The following TMEM9B variants were observed in gnomAD, a reference collection of about 807,000 sequenced individuals.
The protein encoded by TMEM9B is transmembrane protein 9B.
In TMEM9B, 8 loss-of-function variants were observed where a neutral mutation model predicts 23.5. That is an observed-to-expected ratio of 0.34 (90% CI 0.20 to 0.61). The LOEUF (loss-of-function observed/expected upper bound fraction) is 0.61. Among genes scored for constraint, TMEM9B ranks in the 20% least tolerant of loss-of-function variants. TMEM9B has a pLI of 0.78. For missense variants in TMEM9B, 197 were observed against 252.3 expected, an observed-to-expected ratio of 0.78 and a Z score of 1.49; for synonymous variants, 106 against 96.3, an observed-to-expected ratio of 1.10 and a Z score of -0.59.
chr11:8,955,616 A>C (rs530666612), intron 3 of TMEM9B, among the ~76,000 whole-genome samples: 1 of 152,102 alleles, frequency 6.6e-6, no homozygotes, highest in Non-Finnish European at 1.5e-5. Flanking sequence ...CTCCTATGAG[A>C]ATCTAATGCT....
chr11:8,951,600 T>C (rs1428666732), intron 4 of TMEM9B, among the ~76,000 whole-genome samples: 1 of 123,008 alleles, frequency 8.1e-6, no homozygotes, highest in African/African-American at 3.0e-5. Flanking sequence ...AAAAAAAAAA[T>C]ACGAAAAATT....
At chr11:8,960,258 T>C (rs1854052508) in intron 2 of TMEM9B, among the ~76,000 whole-genome samples, 1 of 150,814 alleles carries the variant, frequency 6.6e-6, no homozygotes, top group Non-Finnish European at 1.5e-5. Flanking sequence ...TTCTCTACCT[T>C]AGCCTTCCGA....
Position 8,957,926 on chromosome 11 carries a change from G to T in TMEM9B, c.198-1628C>A, listed in dbSNP as rs1301616785. Among the ~76,000 whole-genome samples, 1 of 152,048 alleles carries T rather than the reference G, an allele frequency of 6.6e-6. No individual in the cohort carries two copies. The highest frequency in any genetic ancestry group is 2.4e-5 in the African/African-American group (1 of 41,390). Reference sequence around the variant, plus strand: ...AATCCCAGCACTTTGGGAGGCCGAGGCGGGAAGATCACCTGAGGTTGGGAG... The same window carrying T: ...AATCCCAGCACTTTGGGAGGCCGAGTCGGGAAGATCACCTGAGGTTGGGAG... On this transcript the variant is annotated intron_variant, in intron 2 of 4. Transcript: ENST00000534025. This position sits in a 1 kb window ranked among gnomAD's most constrained non-coding sequence, Gnocchi z 4.3.
Position 8,962,105 on chromosome 11 carries a change from A to G in TMEM9B, c.184T>C (p.Ser62Pro). Residue 62 changes from serine to proline, a missense_variant, in exon 2 of 5, where the codon TCT becomes CCT. Around this residue, in one of 2 missense-constraint regions of TMEM9B, gnomAD observed 141 missense variants for 214.1 expected, o/e 0.66. Coordinates refer to ENST00000534025, the MANE Select transcript of TMEM9B (RefSeq NM_020644.3). ...CCAGATACTTACCAATCTTTCTGAG[A>G]TATGTTCTTATTATAAATATGCCCA... is the stretch of plus-strand genomic sequence containing the variant. ...NSGHIYNKNI[S>P]QKDCDCLHVV... 6.3e-7 allele frequency: 1 copy of G among 1,589,906 alleles called. No homozygotes were observed. The highest frequency in any genetic ancestry group is 8.6e-7 in the Non-Finnish European group (1 of 1,167,602).
At chr11:8,958,202 C>T (rs376829351) in intron 2 of TMEM9B, among the ~76,000 whole-genome samples, 2 of 146,108 alleles carry the variant, frequency 1.4e-5, no homozygotes, top group African/African-American at 5.1e-5. Flanking sequence ...GTGGCTCACG[C>T]CTGTAATCTC....
intron 4 of TMEM9B, among the ~76,000 whole-genome samples, chr11:8,952,255 C>T (rs866518411): frequency 0.049 from 3,071 of 62,578 alleles, 48 homozygotes; most frequent in Non-Finnish European, 0.091. Flanking sequence ...TATATACACA[C>T]ACACACACAC....
chr11:8,961,143 C>A (rs1163768831), intron 2 of TMEM9B, among the ~76,000 whole-genome samples: 3 of 152,094 alleles, frequency 2.0e-5, no homozygotes, highest in African/African-American at 4.8e-5. Flanking sequence ...AACCTAAATG[C>A]GTATCAGGGA....
chr11:8,948,859 GA>G (rs1448850016), intron 4 of TMEM9B, among the ~76,000 whole-genome samples: 1 of 152,180 alleles, frequency 6.6e-6, no homozygotes, highest in Admixed American at 6.5e-5. Context: ...TATAGATATG[GA>G]AAGTAGGGTC....
intron 4 of TMEM9B, among the ~76,000 whole-genome samples, chr11:8,952,217 T>G (rs55720465): frequency 2.0e-5 from 3 of 150,954 alleles, no homozygotes; most frequent in Admixed American, 1.3e-4. Flanking sequence ...AAGGAGACCA[T>G]GAAGCAATTT....
rs11300918 is a variant in TMEM9B, at chr11:8,962,675, GA to G, written c.106-493del. 831 of 154,288 alleles carry G rather than the reference GA, an allele frequency of 5.4e-3. 10 individuals are homozygous for G. Among genetic ancestry groups the G allele is most frequent in the African/African-American group, 0.019 (787 of 41,580 alleles). The allele number at this position is 154,288 out of a possible 1,614,324, so 9.6% of individuals were successfully genotyped here. A position where few individuals can be genotyped will look rare whatever the true frequency, so the allele number is the denominator to read the frequency against. ...TGGGCCAGAGTCCCGTAGAAGGGAT[GA>G]AATGTTAGAGGCACCCACCTACAAC... On this transcript the variant is annotated intron_variant, in intron 1 of 4. Transcript: ENST00000534025.
intron 3 of TMEM9B, among the ~76,000 whole-genome samples, chr11:8,955,087 G>T (rs1279091996): frequency 6.7e-6 from 1 of 149,146 alleles, no homozygotes; most frequent in East Asian, 2.0e-4. Context: ...GGAGGCGGAG[G>T]TTGCAGTGAG....
intron 2 of TMEM9B, among the ~76,000 whole-genome samples, chr11:8,960,267 G>A (rs1010475714): frequency 3.3e-5 from 5 of 150,142 alleles, no homozygotes; most frequent in East Asian, 2.0e-4. Flanking sequence ...TTAGCCTTCC[G>A]AGTAGCTGGA....
chr11:8,956,359 A>C lies in TMEM9B; in HGVS notation c.198-61T>G, dbSNP rs555340873. The C allele has an allele frequency of 1.9e-5, 26 of 1,380,454 alleles. 1 individual carries two copies. The Admixed American group carries it at 2.1e-4, about 11-fold the overall frequency. 85.5% of individuals were successfully genotyped at this position (1,380,454 alleles called of 1,614,324 possible). A position where few individuals can be genotyped will look rare whatever the true frequency, so the allele number is the denominator to read the frequency against. ...GCTAGCTCTTCTGCTTGCTCTGACC[A>C]AAAGTTTCCTGAAATCTAGAATAAT... On this transcript the variant is annotated intron_variant, in intron 2 of 4. Coordinates refer to ENST00000534025, the MANE Select transcript of TMEM9B (RefSeq NM_020644.3).
chr11:8,953,366 CT>C, intron 3 of TMEM9B, 29 bp from the exon 4 acceptor site: 2 of 1,608,856 alleles, frequency 1.2e-6, no homozygotes, highest in Non-Finnish European at 1.7e-6. Context: ...TAAGTTACAT[CT>C]TTGTTCAAGC....
intron 2 of TMEM9B, among the ~76,000 whole-genome samples, chr11:8,958,721 G>A (rs561677643): frequency 6.7e-4 from 101 of 151,458 alleles, no homozygotes; most frequent in Non-Finnish European, 1.3e-3. Context: ...ACAGGCATGC[G>A]CTACCATGCC....
intron 3 of TMEM9B, among the ~76,000 whole-genome samples, chr11:8,954,313 T>A (rs7939237): frequency 1.9e-3 from 244 of 131,280 alleles, no homozygotes; most frequent in East Asian, 5.8e-3. Context: ...ATTTTATTTT[T>A]TTTTTTTTGA....
At chr11:8,950,947 T>C (rs889044942) in intron 4 of TMEM9B, among the ~76,000 whole-genome samples, 1 of 152,200 alleles carries the variant, frequency 6.6e-6, no homozygotes, top group Non-Finnish European at 1.5e-5. Context: ...CACTTATTTT[T>C]GTAGAGTTGT....
At position 8,957,311 on chromosome 11, in the gene TMEM9B, G is replaced by GTAAATAAT. The variant is rs1853992854; in HGVS notation, c.198-1014_198-1013insATTATTTA. On this transcript the variant is annotated intron_variant, in intron 2 of 4. Transcript: ENST00000534025. This position sits in a 1 kb window ranked among gnomAD's most constrained non-coding sequence, Gnocchi z 4.3. Reference sequence around the variant, plus strand: ...TTTCAAGGCTAATTATTTATGGTTTGTGTAAACACAGTGCTATCAGATTTT... The same window carrying GTAAATAAT: ...TTTCAAGGCTAATTATTTATGGTTTGTAAATAATTGTAAACACAGTGCTATCAGATTTT... Among the ~76,000 whole-genome samples the GTAAATAAT allele has an allele frequency of 6.6e-6, 1 of 152,192 alleles. No individual in the cohort carries two copies. Among genetic ancestry groups the GTAAATAAT allele is most frequent in the African/African-American group, 2.4e-5 (1 of 41,446 alleles).
intron 3 of TMEM9B, among the ~76,000 whole-genome samples, chr11:8,954,487 C>T (rs904620192): frequency 1.3e-5 from 2 of 152,018 alleles, no homozygotes; most frequent in African/African-American, 4.8e-5. Context: ...TGGGGTTTCA[C>T]CACGTTGGAC....
Sources: gnomAD v4.1 joint callset for allele counts (sites outside exome capture counted in the v4.1 genomes callset) on GRCh38, gnomAD v4.1.1 for gene constraint, gnomAD v4.1.1 regional missense constraint, Gnocchi (gnomAD v3.1) non-coding constraint, MANE v1.5 for transcripts, NCBI Gene and HGNC (gene_info 2026-07-23, HGNC 2026-07-21) for gene names.